KCTD16: variants seen among roughly 807,000 people sequenced by gnomAD.
KCTD16 encodes potassium channel tetramerization domain containing 16.
In KCTD16, 13 loss-of-function variants were observed where a neutral mutation model predicts 33.2. That is an observed-to-expected ratio of 0.39 (90% CI 0.25 to 0.62). The LOEUF (loss-of-function observed/expected upper bound fraction) is 0.62, where lower values mean the gene tolerates loss of function less well. KCTD16 is among the 20% of genes least tolerant of loss of function. The probability of loss-of-function intolerance (pLI) is 0.50; values close to 1 mark genes in which losing one functional copy is unlikely to be tolerated. For missense variants in KCTD16, 441 were observed against 525.1 expected, an observed-to-expected ratio of 0.84 and a Z score of 1.57; for synonymous variants, 197 against 195.3, an observed-to-expected ratio of 1.01 and a Z score of -0.07.
intron 3 of KCTD16, among the ~76,000 whole-genome samples, chr5:144,337,382 TC>T (rs1319986015): frequency 4.6e-5 from 7 of 152,190 alleles, no homozygotes; most frequent in African/African-American, 1.7e-4. Context: ...ACAAGAATTT[TC>T]TCAGTAGTAG....
chr5:144,222,115 GT>G (rs1397787984), intron 3 of KCTD16, among the ~76,000 whole-genome samples: 1 of 151,812 alleles, frequency 6.6e-6, no homozygotes. Context: ...GGGGTTGTTT[GT>G]TTTTTTCTTG....
At chr5:144,337,922 CA>C (rs1561572290) in intron 3 of KCTD16, among the ~76,000 whole-genome samples, 13 of 152,162 alleles carry the variant, frequency 8.5e-5, no homozygotes, top group Non-Finnish European at 1.6e-4. Flanking sequence ...TGATAATATC[CA>C]CCCTTTAGGA....
At chr5:144,320,702 A>G (rs1383010898) in intron 3 of KCTD16, among the ~76,000 whole-genome samples, 1 of 151,400 alleles carries the variant, frequency 6.6e-6, no homozygotes, top group Non-Finnish European at 1.5e-5. Flanking sequence ...GTTTAGAATA[A>G]TTTCAGAGCT....
intron 3 of KCTD16, among the ~76,000 whole-genome samples, chr5:144,411,439 C>T (rs1752930406): frequency 6.6e-6 from 1 of 152,108 alleles, no homozygotes; most frequent in East Asian, 1.9e-4. Flanking sequence ...AGAGAAAAGA[C>T]ATTCTCTTAG....
At chr5:144,451,538 CT>C (rs567539862) in intron 3 of KCTD16, among the ~76,000 whole-genome samples, 1 of 151,668 alleles carries the variant, frequency 6.6e-6, no homozygotes. Context: ...AAAAGTCTCA[CT>C]TTTTTTTTGA....
In KCTD16 at chr5:144,478,850, C is replaced by T. The variant is rs1257167382; in HGVS notation, c.*4736C>T. On this transcript the variant is annotated 3_prime_UTR_variant, in exon 4 of 4. Transcript: ENST00000512467. ...CTAAGACTAGGGCAGAATAGATTTT[C>T]ATGAATTCTTTGCCATTTCATCTGC... 2 of 151,978 alleles carry T rather than the reference C, an allele frequency of 1.3e-5. No individual in the cohort carries two copies. The highest frequency in any genetic ancestry group is 2.9e-5 in the Non-Finnish European group (2 of 67,934). The allele number at this position is 151,978 out of a possible 1,614,324, so 9.4% of individuals were successfully genotyped here. A position where few individuals can be genotyped will look rare whatever the true frequency, so the allele number is the denominator to read the frequency against.
chr5:144,359,874 G>C (rs1352129320), intron 3 of KCTD16, among the ~76,000 whole-genome samples: 1 of 151,912 alleles, frequency 6.6e-6, no homozygotes, highest in Non-Finnish European at 1.5e-5. Context: ...CTTGTGCAAA[G>C]CCTTGTGTAA....
rs189374513 is a variant in KCTD16 at position 144,293,897 on chromosome 5, C to T, written c.832+86351C>T. Among the ~76,000 whole-genome samples, 10 of 152,276 alleles carry T rather than the reference C, an allele frequency of 6.6e-5. No individual in the cohort carries two copies. In the East Asian group the frequency reaches 7.7e-4, roughly 12 times the overall value. On this transcript the variant is annotated intron_variant, in intron 3 of 3. Coordinates refer to ENST00000512467, the MANE Select transcript of KCTD16 (RefSeq NM_020768.4). ...CGCAGGGGCTGGGTGCGGTGGCTCA[C>T]GCCTGTAATCCCAGCACTTTGGGAG...
chr5:144,473,919 C>T lies in KCTD16; in HGVS notation c.1092C>T (p.Asp364=). Residue 364 remains aspartate, a synonymous_variant, in exon 4 of 4, where the codon GAC becomes GAT. Transcript: ENST00000512467. ...IQQSEMRRKS[D]LLRTLTSGSR... is the part of the protein sequence containing the mutation. ...AGTCAGAGATGCGGCGGAAAAGCGA[C>T]TTACTCCGGACTCTGACTTCAGGCT... 2 of 1,614,012 alleles carry T rather than the reference C, an allele frequency of 1.2e-6. No individual in the cohort carries two copies. Among genetic ancestry groups the T allele is most frequent in the African/African-American group, 2.7e-5 (2 of 74,986 alleles).
intron 3 of KCTD16, among the ~76,000 whole-genome samples, chr5:144,269,824 T>G (rs777612517): frequency 8.5e-5 from 13 of 152,102 alleles, no homozygotes; most frequent in Admixed American, 2.0e-4. Context: ...GATGAAATTT[T>G]GTGACCTCAG....
Position 144,480,455 on chromosome 5 carries a change from G to C in KCTD16, c.*6341G>C, listed in dbSNP as rs1475689075. On this transcript the variant is annotated 3_prime_UTR_variant, in exon 4 of 4. Transcript: ENST00000512467. ...TTATTCAAAAAAAGAATGTATTTTT[G>C]AAAGCTAAGATAGACATAGAATACA... 1 of 151,966 alleles carries C rather than the reference G, an allele frequency of 6.6e-6. No homozygotes were observed. The highest frequency in any genetic ancestry group is 1.5e-5 in the Non-Finnish European group (1 of 67,944). 9.4% of individuals were successfully genotyped at this position (151,966 alleles called of 1,614,324 possible). A position where few individuals can be genotyped will look rare whatever the true frequency, so the allele number is the denominator to read the frequency against.
chr5:144,283,706 CT>C (rs2126856722), intron 3 of KCTD16, among the ~76,000 whole-genome samples: 1 of 152,204 alleles, frequency 6.6e-6, no homozygotes, highest in Admixed American at 6.5e-5. Context: ...ACAGAAATTC[CT>C]TGATGGAAAT....
intron 3 of KCTD16, among the ~76,000 whole-genome samples, chr5:144,471,852 T>A (rs1446594184): frequency 1.3e-5 from 2 of 152,208 alleles, no homozygotes; most frequent in Non-Finnish European, 2.9e-5. Flanking sequence ...TCAGTCACAT[T>A]TTAGAAAATG....
At chr5:144,433,444 A>AT (rs1753510342) in intron 3 of KCTD16, among the ~76,000 whole-genome samples, 3 of 152,140 alleles carry the variant, frequency 2.0e-5, no homozygotes, top group Admixed American at 2.0e-4. Flanking sequence ...GGATTTTCTG[A>AT]TTTTTTCAAG....
At chr5:144,312,760 G>A (rs1036972774) in intron 3 of KCTD16, among the ~76,000 whole-genome samples, 3 of 152,216 alleles carry the variant, frequency 2.0e-5, no homozygotes, top group Admixed American at 6.6e-5. Flanking sequence ...AAAAGGGTGT[G>A]AAGGGTTCCT....
intron 2 of KCTD16, among the ~76,000 whole-genome samples, chr5:144,177,878 C>G (rs1752539013): frequency 6.6e-6 from 1 of 152,182 alleles, no homozygotes; most frequent in Non-Finnish European, 1.5e-5. Context: ...TAGACTAAGT[C>G]TTTTGCTACA....
At chr5:144,300,405 C>G (rs1397903162) in intron 3 of KCTD16, among the ~76,000 whole-genome samples, 1 of 152,154 alleles carries the variant, frequency 6.6e-6, no homozygotes, top group Admixed American at 6.5e-5. Context: ...TTTGAAAACC[C>G]ACTTTTCAGA....
rs1176776405 is a variant in KCTD16 at position 144,476,897 on chromosome 5, T to C, written c.*2783T>C. On this transcript the variant is annotated 3_prime_UTR_variant, in exon 4 of 4. Coordinates refer to ENST00000512467, the MANE Select transcript of KCTD16 (RefSeq NM_020768.4). ...TTAATTCTGAAGAAAACAATATATA[T>C]GGTTTACTTCTCGAACATTGGTTAT... 6.6e-6 allele frequency: 1 copy of C among 152,160 alleles called. No individual in the cohort carries two copies. Among genetic ancestry groups the C allele is most frequent in the East Asian group, 1.9e-4 (1 of 5,188 alleles). 9.4% of individuals were successfully genotyped at this position (152,160 alleles called of 1,614,324 possible).
chr5:144,451,578 G>A (rs1291892677), intron 3 of KCTD16, among the ~76,000 whole-genome samples: 4 of 152,080 alleles, frequency 2.6e-5, no homozygotes, highest in Non-Finnish European at 4.4e-5. Flanking sequence ...GTTTAATCAC[G>A]AATTGTGAAA....
Sources: gnomAD v4.1 joint callset for allele counts (sites outside exome capture counted in the v4.1 genomes callset) on GRCh38, gnomAD v4.1.1 for gene constraint, MANE v1.5 for transcripts, NCBI Gene and HGNC (gene_info 2026-07-23, HGNC 2026-07-21) for gene names.